GALNT17: variants seen among roughly 807,000 people sequenced by gnomAD.
The protein encoded by GALNT17 is UDP-GalNAc:polypeptide N-acetylgalactosaminyltransferase-like 3.
A neutral mutation model predicts 63.7 loss-of-function variants in GALNT17; 29 were observed. The ratio of observed to expected loss-of-function variants is 0.46; its 90% CI spans 0.34 to 0.62. GALNT17 has a LOEUF of 0.62. Ranked by LOEUF, GALNT17 falls within the 20% of genes least tolerant of loss-of-function variation. GALNT17 has a pLI of 0.01. For synonymous variants in GALNT17, 305 were observed against 318.3 expected, an observed-to-expected ratio of 0.96 and a Z score of 0.45; for missense variants, 603 against 799.6, an observed-to-expected ratio of 0.75 and a Z score of 2.97.
rs148901312 is a variant in GALNT17 at position 71,526,272 on chromosome 7, G to A, written c.963-45013G>A. On this transcript the variant is annotated intron_variant, in intron 5 of 10. Coordinates refer to ENST00000333538, the MANE Select transcript of GALNT17 (RefSeq NM_022479.3). ...GGACCAGGAATAGAAACAGTACCTA[G>A]GCTATTTCCATTTCCTTTTCTCTGT... Among the ~76,000 whole-genome samples, 1,148 of 152,236 alleles carry A rather than the reference G, an allele frequency of 7.5e-3. 10 individuals carry two copies. Among genetic ancestry groups the A allele is most frequent in the African/African-American group, 0.021 (881 of 41,538 alleles).
chr7:71,624,425 G>T (rs1790341238), intron 6 of GALNT17, among the ~76,000 whole-genome samples: 1 of 152,130 alleles, frequency 6.6e-6, no homozygotes, highest in Admixed American at 6.5e-5. Flanking sequence ...TATAATTAAG[G>T]GCTGTTTTAC....
intron 3 of GALNT17, among the ~76,000 whole-genome samples, chr7:71,394,314 G>A (rs896672606): frequency 3.4e-4 from 51 of 152,170 alleles, no homozygotes; most frequent in African/African-American, 1.1e-3. Context: ...CATAAGAATG[G>A]CACCAAGCCT....
chr7:71,264,487 C>CAAAGG (rs1367342350), intron 1 of GALNT17, among the ~76,000 whole-genome samples: 1 of 152,012 alleles, frequency 6.6e-6, no homozygotes. Flanking sequence ...AGTATTTATG[C>CAAAGG]AAAGGAAAGG....
intron 1 of GALNT17, among the ~76,000 whole-genome samples, chr7:71,145,601 T>C (rs1172099800): frequency 6.6e-6 from 1 of 152,240 alleles, no homozygotes; most frequent in African/African-American, 2.4e-5. Context: ...GAGAACAAGC[T>C]GACCTAGTGA....
At chr7:71,406,718 G>A (rs1291358638) in intron 3 of GALNT17, among the ~76,000 whole-genome samples, 6 of 147,616 alleles carry the variant, frequency 4.1e-5, no homozygotes, top group African/African-American at 5.0e-5. Context: ...ATTCTCAGGC[G>A]CACCTGTATT....
At chr7:71,357,038 G>A (rs767097938) in intron 2 of GALNT17, among the ~76,000 whole-genome samples, 51 of 152,100 alleles carry the variant, frequency 3.4e-4, no homozygotes, top group African/African-American at 6.3e-4. Context: ...CACCCTCCTC[G>A]GCCTCCCAAA....
At chr7:71,701,001 AAC>A (rs1286154904) in intron 9 of GALNT17, among the ~76,000 whole-genome samples, 1 of 152,150 alleles carries the variant, frequency 6.6e-6, no homozygotes, top group Admixed American at 6.5e-5. Context: ...AAGTTAAGCA[AAC>A]ACACCCCTGC....
At chr7:71,540,709 G>A (rs748534511) in intron 5 of GALNT17, among the ~76,000 whole-genome samples, 1 of 152,092 alleles carries the variant, frequency 6.6e-6, no homozygotes, top group Non-Finnish European at 1.5e-5. Context: ...CCTAGGAGTA[G>A]AAGTGTTCTA....
At chr7:71,665,969 C>T (rs1022797083) in intron 7 of GALNT17, among the ~76,000 whole-genome samples, 3 of 152,172 alleles carry the variant, frequency 2.0e-5, no homozygotes, top group African/African-American at 7.2e-5. Flanking sequence ...GCTCCAGCTG[C>T]CCCGTATCAT....
rs76373174 is a variant in GALNT17, at chr7:71,163,924, G to A, written c.238+30884G>A. On this transcript the variant is annotated intron_variant, in intron 1 of 10. Coordinates refer to ENST00000333538, the MANE Select transcript of GALNT17 (RefSeq NM_022479.3). ...TATCCATTACTGCTATTACCTTTTA[G>A]TAGCTGTTTTACAAGAATCAGAAAG... 4.9e-3 allele frequency among the ~76,000 whole-genome samples: 742 copies of A among 152,272 alleles called. 3 individuals are homozygous for A. Among genetic ancestry groups the A allele is most frequent in the African/African-American group, 0.015 (644 of 41,556 alleles).
intron 1 of GALNT17, among the ~76,000 whole-genome samples, chr7:71,298,675 T>G (rs1412810867): frequency 6.6e-6 from 1 of 151,640 alleles, no homozygotes; most frequent in African/African-American, 2.4e-5. Context: ...TTTCATCTAG[T>G]GCCATCAGAT....
intron 5 of GALNT17, among the ~76,000 whole-genome samples, chr7:71,478,740 G>T (rs942598736): frequency 6.6e-6 from 1 of 152,138 alleles, no homozygotes; most frequent in Non-Finnish European, 1.5e-5. Flanking sequence ...ACAGACAAAG[G>T]TCTGTGAAGA....
At chr7:71,437,306 C>T (rs1217422674) in intron 5 of GALNT17, among the ~76,000 whole-genome samples, 1 of 152,184 alleles carries the variant, frequency 6.6e-6, no homozygotes, top group Admixed American at 6.5e-5. Flanking sequence ...CCCAGCCTTC[C>T]AAGATTTGCT....
intron 1 of GALNT17, among the ~76,000 whole-genome samples, chr7:71,257,377 C>A (rs969831047): frequency 6.6e-6 from 1 of 152,168 alleles, no homozygotes; most frequent in African/African-American, 2.4e-5. Flanking sequence ...GAAATAAATT[C>A]TCCAAGTAGG....
intron 5 of GALNT17, among the ~76,000 whole-genome samples, chr7:71,440,778 A>T (rs921932493): frequency 6.6e-6 from 1 of 152,178 alleles, no homozygotes; most frequent in Non-Finnish European, 1.5e-5. Context: ...GAAGATTATC[A>T]CTTGTTCTCA....
chr7:71,201,716 C>T (rs935716444), intron 1 of GALNT17, among the ~76,000 whole-genome samples: 1 of 151,690 alleles, frequency 6.6e-6, no homozygotes, highest in African/African-American at 2.4e-5. Flanking sequence ...ACTGCAACCT[C>T]CGCCTCCCGG....
intron 5 of GALNT17, among the ~76,000 whole-genome samples, chr7:71,532,952 T>A (rs1421924071): frequency 1.3e-5 from 2 of 151,990 alleles, no homozygotes; most frequent in African/African-American, 4.8e-5. Flanking sequence ...CTGGGGAGAG[T>A]GTGTGCCCCA....
At chr7:71,451,002 A>G (rs1787252833) in intron 5 of GALNT17, among the ~76,000 whole-genome samples, 1 of 150,912 alleles carries the variant, frequency 6.6e-6, no homozygotes, top group Non-Finnish European at 1.5e-5. Flanking sequence ...ACATATGTAT[A>G]CATGTGCCAT....
chr7:71,471,405 A>C (rs932476385), intron 5 of GALNT17, among the ~76,000 whole-genome samples: 15 of 149,642 alleles, frequency 1.0e-4, no homozygotes, highest in South Asian at 2.1e-4. Flanking sequence ...TTTCCAAAAA[A>C]AAAAAAAAAC....
Sources: allele counts gnomAD v4.1 joint callset (sites outside exome capture counted in the v4.1 genomes callset), GRCh38; gene constraint gnomAD v4.1.1; transcripts MANE v1.5; gene names NCBI Gene and HGNC (gene_info 2026-07-23, HGNC 2026-07-21).